Variants in ZNF83 observed in about 807,000 individuals in gnomAD.
ZNF83 encodes the protein zinc finger protein 83.
For synonymous variants in ZNF83, 209 were observed against 213.0 expected (o/e 0.98, Z 0.17); for missense variants, 552 against 629.9 (o/e 0.88, Z 1.32).
chr19:52,619,078 ATT>A (rs751624192), intron 2 of ZNF83: 1 of 1,612,320 alleles, frequency 6.2e-7, no homozygotes, highest in Non-Finnish European at 8.5e-7. Context: ...ATGAAAACAC[ATT>A]TTAACCAAAT....
chr19:52,634,490 A>G (rs984190138), intron 2 of ZNF83, among the ~76,000 whole-genome samples: 4 of 152,186 alleles, frequency 2.6e-5, no homozygotes, highest in African/African-American at 9.7e-5. Context: ...TTGATTTCCT[A>G]TTCTTAAAAT....
At chr19:52,623,724 C>G (rs965588479) in intron 2 of ZNF83, among the ~76,000 whole-genome samples, 1 of 152,104 alleles carries the variant, frequency 6.6e-6, no homozygotes, top group Non-Finnish European at 1.5e-5. Flanking sequence ...ACACCAGTAT[C>G]CCATCCCACA....
intron 1 of ZNF83, among the ~76,000 whole-genome samples, chr19:52,662,351 C>T (rs1311554881): frequency 1.3e-5 from 2 of 152,158 alleles, no homozygotes; most frequent in Middle Eastern, 3.4e-3. Flanking sequence ...TTTGGAGACG[C>T]CTGTTTAATA....
chr19:52,651,858 T>A (rs981560217), intron 3 of ZNF83: 1 of 161,572 alleles, frequency 6.2e-6, no homozygotes, highest in African/African-American at 2.4e-5. Context: ...TGTGAGCAAC[T>A]GCACCCTGCC....
intron 3 of ZNF83, among the ~76,000 whole-genome samples, chr19:52,645,463 A>C (rs1322437018): frequency 6.6e-6 from 1 of 152,206 alleles, no homozygotes; most frequent in Non-Finnish European, 1.5e-5. Flanking sequence ...GGATGCAACA[A>C]AGGCATCTTT....
intron 1 of ZNF83, among the ~76,000 whole-genome samples, chr19:52,675,795 A>G (rs1003611067): frequency 2.0e-5 from 3 of 152,190 alleles, no homozygotes; most frequent in African/African-American, 7.2e-5. Flanking sequence ...ACTAGGATAG[A>G]CCAAATCTTG....
chr19:52,627,214 C>T (rs1280595196), intron 2 of ZNF83, among the ~76,000 whole-genome samples: 1 of 152,212 alleles, frequency 6.6e-6, no homozygotes, highest in East Asian at 1.9e-4. Flanking sequence ...CTTTTGCTGA[C>T]TTCTTTTTCA....
intron 1 of ZNF83, among the ~76,000 whole-genome samples, chr19:52,637,767 G>A (rs868699336): frequency 6.6e-6 from 1 of 152,172 alleles, no homozygotes; most frequent in Admixed American, 6.5e-5. Context: ...CACAGGACAG[G>A]CCCCGGGTAC....
chr19:52,646,824 G>GT (rs1568561381), intron 3 of ZNF83, among the ~76,000 whole-genome samples: 3 of 152,180 alleles, frequency 2.0e-5, no homozygotes, highest in Non-Finnish European at 4.4e-5. Context: ...AGCAAACTCT[G>GT]TAAGTTCCTG....
intron 1 of ZNF83, among the ~76,000 whole-genome samples, chr19:52,673,373 C>T (rs2036551130): frequency 6.6e-6 from 1 of 152,008 alleles, no homozygotes; most frequent in African/African-American, 2.4e-5. Flanking sequence ...GGTGATGGCG[C>T]ATGCCTGTAA....
rs577113429 is a variant in ZNF83, at chr19:52,678,595, G to T, written c.-283+11848C>A. Among the ~76,000 whole-genome samples the T allele has an allele frequency of 1.5e-4, 23 of 152,068 alleles. 1 individual carries two copies. The highest frequency in any genetic ancestry group is 5.3e-4 in the African/African-American group (22 of 41,444). ...TAAACACAATCTCTGGAATAAATGA[G>T]ACATGAAAAGTGAAGGTGACAGACT... On this transcript the variant is annotated intron_variant, in intron 1 of 5. Coordinates refer to the ZNF83 transcript ENST00000594682.
At chr19:52,632,175 G>A (rs1468774082) in intron 2 of ZNF83, among the ~76,000 whole-genome samples, 1 of 152,086 alleles carries the variant, frequency 6.6e-6, no homozygotes, top group African/African-American at 2.4e-5. Flanking sequence ...CAGTCTGACA[G>A]CAGACCAGAC....
chr19:52,649,355 C>T lies in ZNF83; in HGVS notation c.-74+6206G>A, dbSNP rs183046714. 7.1e-4 allele frequency among the ~76,000 whole-genome samples: 108 copies of T among 152,084 alleles called. 4 individuals are homozygous for T. The Middle Eastern group carries it at 0.01, about 14-fold the overall frequency. On this transcript the variant is annotated intron_variant, in intron 3 of 5. Coordinates refer to the ZNF83 transcript ENST00000594682. The stretch of plus-strand genomic sequence containing the variant: ...ATGATACAAAAGATCTTGTATGAGC[C>T]GGTATGACACATCTGACAACTTTAC...
At chr19:52,679,591 A>G (rs919422909) in intron 1 of ZNF83, among the ~76,000 whole-genome samples, 1 of 152,220 alleles carries the variant, frequency 6.6e-6, no homozygotes, top group Non-Finnish European at 1.5e-5. Flanking sequence ...AGCATGGGTG[A>G]CAGAGGGAGA....
chr19:52,622,780 G>T (rs909596880), intron 2 of ZNF83, among the ~76,000 whole-genome samples: 1 of 151,868 alleles, frequency 6.6e-6, no homozygotes, highest in Non-Finnish European at 1.5e-5. Context: ...CCTGACATTA[G>T]AAAAAAGCTT....
chr19:52,683,373 C>T (rs2061958902), intron 1 of ZNF83, among the ~76,000 whole-genome samples: 1 of 152,150 alleles, frequency 6.6e-6, no homozygotes, highest in South Asian at 2.1e-4. Context: ...CTGCAGTTCA[C>T]TGTGCTGTTT....
exon 3 of ZNF83, chr19:52,612,889 C>T (rs552094689): frequency 4.6e-5 from 35 of 768,982 alleles, no homozygotes; most frequent in South Asian, 8.0e-5. Context: ...GTCTAGCTAA[C>T]GGTTATTAAG....
At chr19:52,655,214 T>G (rs960937996) in intron 3 of ZNF83, 1 of 237,700 alleles carries the variant, frequency 4.2e-6, no homozygotes, top group Admixed American at 5.1e-5. Context: ...AAAAGCAGAA[T>G]CACAGCTGGA....
At chr19:52,640,974 G>A (rs1453556914), upstream of ZNF83, among the ~76,000 whole-genome samples, 2 of 152,074 alleles carry the variant, frequency 1.3e-5, no homozygotes, top group African/African-American at 4.8e-5. Flanking sequence ...AGTCCAGGCG[G>A]GCAAGAGGAT....
Sources: allele counts gnomAD v4.1 joint callset (sites outside exome capture counted in the v4.1 genomes callset), GRCh38; gene constraint gnomAD v4.1.1; transcripts MANE v1.5; gene names NCBI Gene and HGNC (gene_info 2026-07-23, HGNC 2026-07-21).